Variants in CRISPLD2 observed in about 807,000 individuals in gnomAD.
CRISPLD2 encodes cysteine-rich secretory protein LCCL domain-containing 2.
A neutral mutation model predicts 71.1 loss-of-function variants in CRISPLD2; 47 were observed. The observed-to-expected ratio is 0.66, with a 90% confidence interval of 0.52 to 0.84. CRISPLD2 has a LOEUF of 0.84. Among genes scored for constraint, CRISPLD2 ranks in the 40% least tolerant of loss-of-function variants. The pLI, the probability that CRISPLD2 is intolerant of heterozygous loss-of-function variation, is 0.00. For synonymous variants in CRISPLD2, 317 were observed against 250.1 expected, an observed-to-expected ratio of 1.27 and a Z score of -2.52; for missense variants, 830 against 651.1, an observed-to-expected ratio of 1.27 and a Z score of -2.99.
intron 4 of CRISPLD2, 96 bp downstream of exon 4, chr16:84,849,613 C>A: frequency 7.5e-7 from 1 of 1,337,798 alleles, no homozygotes; most frequent in Non-Finnish European, 1.0e-6. Context: ...AAAGCCTCTG[C>A]GCTGTTGTTG....
chr16:84,829,046 T>C (rs1244608753), intron 1 of CRISPLD2: 1 of 151,718 alleles, frequency 6.6e-6, no homozygotes, highest in East Asian at 1.9e-4. Flanking sequence ...CTGCACTCCA[T>C]CCTGGGGACA....
chr16:84,860,307 A>G (rs1042666401), intron 6 of CRISPLD2, among the ~76,000 whole-genome samples: 2 of 152,182 alleles, frequency 1.3e-5, no homozygotes, highest in African/African-American at 4.8e-5. Context: ...TCCTTCCACC[A>G]TTATCCTACA....
intron 2 of CRISPLD2, chr16:84,840,160 T>A (rs1916732913): frequency 6.6e-6 from 1 of 152,226 alleles, no homozygotes; most frequent in Non-Finnish European, 1.5e-5. Context: ...CTCATCTGTG[T>A]CTTTAAAGCT....
At chr16:84,876,304 C>T (rs1205339923) in intron 11 of CRISPLD2, among the ~76,000 whole-genome samples, 1 of 152,188 alleles carries the variant, frequency 6.6e-6, no homozygotes, top group South Asian at 2.1e-4. Context: ...GAGTTTGAGA[C>T]CAGCCTGGCC....
intron 13 of CRISPLD2, among the ~76,000 whole-genome samples, chr16:84,886,383 C>T (rs952571738): frequency 2.0e-5 from 3 of 152,166 alleles, no homozygotes; most frequent in African/African-American, 7.2e-5. Flanking sequence ...GGGCCGAGGA[C>T]AGTGGTAAGG....
intron 7 of CRISPLD2, among the ~76,000 whole-genome samples, chr16:84,867,498 G>A (rs957578101): frequency 6.6e-6 from 1 of 152,238 alleles, no homozygotes; most frequent in African/African-American, 2.4e-5. Flanking sequence ...CCCGGAGGAT[G>A]AGCTGCAGCA....
chr16:84,842,670 A>G (rs1399307060), intron 2 of CRISPLD2, among the ~76,000 whole-genome samples: 2 of 152,048 alleles, frequency 1.3e-5, no homozygotes, highest in Non-Finnish European at 2.9e-5. Context: ...CACTGTGCCC[A>G]ACCTACGTTT....
At chr16:84,886,903 T>C (rs915678163) in intron 13 of CRISPLD2, among the ~76,000 whole-genome samples, 2 of 152,238 alleles carry the variant, frequency 1.3e-5, no homozygotes, top group Non-Finnish European at 1.5e-5. Context: ...CACGTTGTAA[T>C]GGGTTCGACC....
At chr16:84,838,193 G>C (rs72799559) in intron 1 of CRISPLD2, among the ~76,000 whole-genome samples, 13,450 of 152,218 alleles carry the variant, frequency 0.088, 614 homozygotes, top group Middle Eastern at 0.18. Flanking sequence ...AACTGTTCTA[G>C]GTTATCCTCT....
chr16:84,877,396 C>T (rs766725795), intron 11 of CRISPLD2, 42 bp from the exon 12 acceptor site: 19 of 1,580,582 alleles, frequency 1.2e-5, no homozygotes, highest in African/African-American at 6.7e-5. Context: ...GAGGCCCAGG[C>T]GTGCTGGGAC....
At chr16:84,867,914 C>A (rs1028132503) in intron 7 of CRISPLD2, among the ~76,000 whole-genome samples, 1 of 152,178 alleles carries the variant, frequency 6.6e-6, no homozygotes, top group African/African-American at 2.4e-5. Context: ...CCCTTCAGCT[C>A]CCCCCAGCCA....
chr16:84,820,759 C>T (rs763807858), intron 1 of CRISPLD2, among the ~76,000 whole-genome samples: 11 of 152,068 alleles, frequency 7.2e-5, no homozygotes, highest in Non-Finnish European at 1.3e-4. Context: ...GACTTGGGGC[C>T]ATGTCAGGGT....
chr16:84,837,332 A>G (rs912062389), intron 1 of CRISPLD2, among the ~76,000 whole-genome samples: 2 of 151,812 alleles, frequency 1.3e-5, no homozygotes, highest in African/African-American at 2.4e-5. Flanking sequence ...GGTCTTTGTA[A>G]TCATCATTTC....
chr16:84,908,205 C>G lies in CRISPLD2; in HGVS notation c.*1563C>G, dbSNP rs544965744. On this transcript the variant is annotated 3_prime_UTR_variant, in exon 15 of 15. Coordinates refer to ENST00000262424, the MANE Select transcript of CRISPLD2 (RefSeq NM_031476.4). ...AAATAGGTTTAAAACAAAACAAAAA[C>G]CCACCCCTTTAAGGAGTTGGTAAAA... 1 of 152,276 alleles carries G rather than the reference C, an allele frequency of 6.6e-6. No individual in the cohort carries two copies. Among genetic ancestry groups the G allele is most frequent in the East Asian group, 1.9e-4 (1 of 5,184 alleles). 9.4% of individuals were successfully genotyped at this position (152,276 alleles called of 1,614,324 possible).
intron 2 of CRISPLD2, among the ~76,000 whole-genome samples, chr16:84,845,043 C>A (rs1297062461): frequency 6.6e-6 from 1 of 152,168 alleles, no homozygotes; most frequent in Non-Finnish European, 1.5e-5. Context: ...TAGCCCCTGG[C>A]CTAGGAATAG....
chr16:84,869,959 G>A (rs1363645056), intron 8 of CRISPLD2, among the ~76,000 whole-genome samples: 1 of 152,204 alleles, frequency 6.6e-6, no homozygotes, highest in Non-Finnish European at 1.5e-5. Context: ...CCCATGCAGG[G>A]AGAAGGCAAG....
intron 13 of CRISPLD2, among the ~76,000 whole-genome samples, chr16:84,888,270 A>G (rs773242275): frequency 1.3e-5 from 2 of 152,208 alleles, no homozygotes; most frequent in Admixed American, 6.5e-5. Context: ...GCAGTGGCTC[A>G]TGCCTGTCAT....
chr16:84,894,030 A>C (rs1222938259), intron 14 of CRISPLD2, among the ~76,000 whole-genome samples: 1 of 152,158 alleles, frequency 6.6e-6, no homozygotes, highest in African/African-American at 2.4e-5. Context: ...CAAAACCCCC[A>C]AACAGGATTC....
At position 84,861,213 on chromosome 16, in the gene CRISPLD2, A is replaced by G. The variant is rs570131102; in HGVS notation, c.710-5684A>G. On this transcript the variant is annotated intron_variant, in intron 6 of 14. Transcript: ENST00000262424. ...ATCATATTAAGCAGCCAACTCCAGA[A>G]ACCCTAAAACCAATGAAAGAACTCC... Among the ~76,000 whole-genome samples, 6 of 152,302 alleles carry G rather than the reference A, an allele frequency of 3.9e-5. No homozygotes were observed. The East Asian group carries it at 7.7e-4, about 20-fold the overall frequency.
Sources: allele counts gnomAD v4.1 joint callset (sites outside exome capture counted in the v4.1 genomes callset), GRCh38; gene constraint gnomAD v4.1.1; transcripts MANE v1.5; gene names NCBI Gene and HGNC (gene_info 2026-07-23, HGNC 2026-07-21).